Variants in COMMD10 observed in about 807,000 individuals in gnomAD.
COMMD10 encodes COMM domain-containing protein 10.
COMMD10 carries 33 observed loss-of-function variants against 28.9 expected under a neutral mutation model. That is an observed-to-expected ratio of 1.14 (90% CI 0.87 to 1.53). The LOEUF is 1.53. Ranked by LOEUF, COMMD10 falls within the 40% of genes most tolerant of loss-of-function variation. The pLI, the probability that COMMD10 is intolerant of heterozygous loss-of-function variation, is 0.00. For synonymous variants in COMMD10, 110 were observed against 81.7 expected (o/e 1.35, Z -1.87); for missense variants, 310 against 233.4 (o/e 1.33, Z -2.14).
At chr5:116,220,617 T>G (rs1561673286) in intron 5 of COMMD10, among the ~76,000 whole-genome samples, 1 of 152,140 alleles carries the variant, frequency 6.6e-6, no homozygotes, top group African/African-American at 2.4e-5. Context: ...GTATAAACAC[T>G]GGAAAAATAA....
chr5:116,193,192 A>G (rs1032084819), intron 5 of COMMD10, among the ~76,000 whole-genome samples: 1 of 152,224 alleles, frequency 6.6e-6, no homozygotes, highest in African/African-American at 2.4e-5. Context: ...CTGGAAACAC[A>G]TTAAAACAGA....
intron 5 of COMMD10, chr5:116,188,468 A>G (rs961021165): frequency 6.6e-6 from 1 of 152,062 alleles, no homozygotes; most frequent in Non-Finnish European, 1.5e-5. Flanking sequence ...AAAATGGAAC[A>G]CTTCACAAAT....
intron 5 of COMMD10, among the ~76,000 whole-genome samples, chr5:116,285,062 TC>T (rs1341650873): frequency 6.6e-6 from 1 of 151,894 alleles, no homozygotes; most frequent in East Asian, 1.9e-4. Context: ...ACTTGTGACT[TC>T]CTAGTTATAG....
At chr5:116,281,783 A>G (rs1751075280) in intron 5 of COMMD10, among the ~76,000 whole-genome samples, 1 of 151,898 alleles carries the variant, frequency 6.6e-6, no homozygotes, top group Non-Finnish European at 1.5e-5. Flanking sequence ...GTACATGTCA[A>G]AATACTGTGC....
At chr5:116,179,777 G>A (rs1178222622) in intron 5 of COMMD10, among the ~76,000 whole-genome samples, 1 of 152,056 alleles carries the variant, frequency 6.6e-6, no homozygotes, top group Admixed American at 6.6e-5. Context: ...CAACTGGAAG[G>A]TCAGTGTGAT....
At chr5:116,254,208 C>A (rs914409326) in intron 5 of COMMD10, among the ~76,000 whole-genome samples, 1 of 151,970 alleles carries the variant, frequency 6.6e-6, no homozygotes, top group African/African-American at 2.4e-5. Flanking sequence ...ATCATTCTTG[C>A]TAGCGGTCTA....
At chr5:116,231,595 CTTA>C (rs143396161) in intron 5 of COMMD10, among the ~76,000 whole-genome samples, 15,987 of 152,060 alleles carry the variant, frequency 0.11, 938 homozygotes, top group African/African-American at 0.15. Context: ...TAATGACAAA[CTTA>C]TTATTTTCTT....
intron 4 of COMMD10, among the ~76,000 whole-genome samples, chr5:116,133,515 T>C (rs1751927303): frequency 6.6e-6 from 1 of 152,216 alleles, no homozygotes; most frequent in Non-Finnish European, 1.5e-5. Flanking sequence ...ATCAATTCTC[T>C]GCCTGTTTCA....
At chr5:116,140,411 C>G (rs988668836) in intron 5 of COMMD10, among the ~76,000 whole-genome samples, 1 of 151,748 alleles carries the variant, frequency 6.6e-6, no homozygotes, top group Non-Finnish European at 1.5e-5. Flanking sequence ...GCAGATATCT[C>G]TTTAACATAC....
At chr5:116,148,476 C>T (rs984230460) in intron 5 of COMMD10, among the ~76,000 whole-genome samples, 2 of 151,790 alleles carry the variant, frequency 1.3e-5, no homozygotes, top group Admixed American at 6.6e-5. Context: ...GTGCTGCTAC[C>T]TCCTTGGTGA....
At chr5:116,266,077 A>T (rs989833657) in intron 5 of COMMD10, among the ~76,000 whole-genome samples, 1 of 151,728 alleles carries the variant, frequency 6.6e-6, no homozygotes, top group Non-Finnish European at 1.5e-5. Flanking sequence ...GAAGTGTTTT[A>T]GCTGACCCTT....
At chr5:116,261,629 C>G (rs1239502761) in intron 5 of COMMD10, among the ~76,000 whole-genome samples, 1 of 151,762 alleles carries the variant, frequency 6.6e-6, no homozygotes, top group Non-Finnish European at 1.5e-5. Context: ...CCTCTTCTTT[C>G]TTTTTATCCA....
intron 4 of COMMD10, among the ~76,000 whole-genome samples, chr5:116,123,030 G>GGT (rs1192507697): frequency 6.6e-6 from 1 of 152,160 alleles, no homozygotes; most frequent in Non-Finnish European, 1.5e-5. Flanking sequence ...TAGGAGTGGT[G>GGT]AGAAAGGGCA....
chr5:116,171,572 C>T (rs1462741497), intron 5 of COMMD10, among the ~76,000 whole-genome samples: 1 of 152,136 alleles, frequency 6.6e-6, no homozygotes, highest in East Asian at 1.9e-4. Flanking sequence ...AGACTTGGAA[C>T]CAACCCAAAT....
At chr5:116,151,070 C>A (rs547539054) in intron 5 of COMMD10, among the ~76,000 whole-genome samples, 2 of 151,214 alleles carry the variant, frequency 1.3e-5, no homozygotes, top group African/African-American at 2.4e-5. Flanking sequence ...TGGCATGAAG[C>A]GTTGTTGAAT....
chr5:116,096,407 A>G (rs556570433), intron 4 of COMMD10, among the ~76,000 whole-genome samples: 1 of 151,592 alleles, frequency 6.6e-6, no homozygotes, highest in South Asian at 2.1e-4. Context: ...TTGATAGTAT[A>G]TGGAAATACA....
chr5:116,112,382 A>C (rs1364138681), intron 4 of COMMD10, among the ~76,000 whole-genome samples: 1 of 151,992 alleles, frequency 6.6e-6, no homozygotes, highest in Admixed American at 6.6e-5. Context: ...GTTTCTTGTA[A>C]ATAGCATATA....
At chr5:116,152,911 A>C (rs1752582191) in intron 5 of COMMD10, among the ~76,000 whole-genome samples, 2 of 152,130 alleles carry the variant, frequency 1.3e-5, no homozygotes, top group African/African-American at 4.8e-5. Context: ...TAAACAGATG[A>C]GTACAATAAT....
At chr5:116,236,907 A>G (rs1021710676) in intron 5 of COMMD10, among the ~76,000 whole-genome samples, 1 of 152,104 alleles carries the variant, frequency 6.6e-6, no homozygotes, top group Non-Finnish European at 1.5e-5. Context: ...TTATATGGGA[A>G]ATTTTTATAT....
Sources: allele counts gnomAD v4.1 joint callset (sites outside exome capture counted in the v4.1 genomes callset), GRCh38; gene constraint gnomAD v4.1.1; transcripts MANE v1.5; gene names NCBI Gene and HGNC (gene_info 2026-07-23, HGNC 2026-07-21).